PRMT9: variants seen among roughly 807,000 people sequenced by gnomAD.
PRMT9 encodes the protein protein arginine methyltransferase 9, also known as protein arginine N-methyltransferase 9.
PRMT9 carries 59 observed loss-of-function variants against 83.2 expected under a neutral mutation model. The observed-to-expected ratio is 0.71, with a 90% CI of 0.57 to 0.88. The LOEUF (loss-of-function observed/expected upper bound fraction) is 0.88, where lower values mean the gene tolerates loss of function less well. Ranked by LOEUF, PRMT9 falls within the 40% of genes least tolerant of loss-of-function variation. The pLI, the probability that PRMT9 is intolerant of heterozygous loss-of-function variation, is 0.00. For synonymous variants in PRMT9, 333 were observed against 353.2 expected (o/e 0.94, Z 0.64); for missense variants, 947 against 1,021.9 (o/e 0.93, Z 1.00).
chr4:147,644,539 T>TAA (rs35094215), intron 9 of PRMT9, among the ~76,000 whole-genome samples: 92,881 of 111,780 alleles, frequency 0.83, 40,164 homozygotes, highest in Non-Finnish European at 0.96. Context: ...TGCTTATGGT[T>TAA]AAAAAAAAAA....
intron 9 of PRMT9, 84 bp from the exon 10 acceptor site, chr4:147,643,024 C>T (rs1378078656): frequency 7.9e-7 from 1 of 1,264,068 alleles, no homozygotes; most frequent in Non-Finnish European, 1.1e-6. Context: ...CTTTGGGAGG[C>T]CAAGGTGGGT....
chr4:147,661,455 A>AAAGGTGCT (rs1231660891), intron 6 of PRMT9: 1 of 162,056 alleles, frequency 6.2e-6, no homozygotes, highest in Non-Finnish European at 1.3e-5. Flanking sequence ...GCACATGAGA[A>AAAGGTGCT]AAGGTGCTCA....
rs1388654105 is a variant in PRMT9, at chr4:147,680,437, T to C, written c.224A>G (p.Glu75Gly). 1 of 1,614,026 alleles carries C rather than the reference T, an allele frequency of 6.2e-7. No individual in the cohort carries two copies. Among genetic ancestry groups the C allele is most frequent in the Non-Finnish European group, 8.5e-7 (1 of 1,179,874 alleles). ...TFQYTLFRWA[E>G]ELDALSRIQD... The stretch of plus-strand genomic sequence containing the variant: ...TATCCGACTGAGAGCATCAAGCTCT[T>C]CAGCCCATCTGAAAAGTGTGTACTG... The change falls in exon 2 of 12, where the codon GAA (glutamate) becomes GGA (glycine). Residue 75 changes from glutamate (E) to glycine (G), a missense_variant. Transcript: ENST00000322396.
Position 147,680,315 on chromosome 4 carries a change from C to T in PRMT9, c.338+8G>A, listed in dbSNP as rs1451947676. The T allele has an allele frequency of 1.2e-6, 2 of 1,613,742 alleles. No homozygotes were observed. Among genetic ancestry groups the T allele is most frequent in the East Asian group, 4.5e-5 (2 of 44,874 alleles). ...TTCTTAACAAGTAATACTAAAATCA[C>T]TACAAACCTGAAGAGATGCTCCCCC... On this transcript the variant is annotated splice_region_variant and intron_variant, in intron 2 of 11. Transcript: ENST00000322396.
chr4:147,683,085 T>C (rs1247363054), intron 1 of PRMT9, among the ~76,000 whole-genome samples: 6 of 152,196 alleles, frequency 3.9e-5, no homozygotes, highest in Non-Finnish European at 8.8e-5. Flanking sequence ...TTGTTGCAAA[T>C]AATCCAATAA....
chr4:147,668,825 G>A (rs1735537113), intron 5 of PRMT9, among the ~76,000 whole-genome samples, 180 bp from the exon 6 acceptor site: 1 of 151,958 alleles, frequency 6.6e-6, no homozygotes, highest in South Asian at 2.1e-4. Context: ...TGTAGCTCAC[G>A]CCTGTAATCC....
Position 147,683,905 on chromosome 4 carries a change from G to A in PRMT9, c.83C>T (p.Ser28Phe), listed in dbSNP as rs186529029. The change falls in exon 1 of 12, where the codon TCC becomes TTC. Residue 28 changes from serine (S) to phenylalanine (F), a missense_variant. Ser to Phe is a radical substitution (Grantham distance 155). Transcript: ENST00000322396. ...AAGRDELVSRSLQSAEHCLGV... is the reference protein window; with the variant it reads ...AAGRDELVSRFLQSAEHCLGV... ...CAGACAGTGCTCTGCGCTCTGCAAG[G>A]ACCGCGACACCAGCTCGTCCCGGCC... The A allele has an allele frequency of 6.2e-7, 1 of 1,613,384 alleles. No individual in the cohort carries two copies. Among genetic ancestry groups the A allele is most frequent in the Non-Finnish European group, 8.5e-7 (1 of 1,179,936 alleles).
intron 9 of PRMT9, among the ~76,000 whole-genome samples, chr4:147,646,769 C>T (rs749596482): frequency 6.6e-6 from 1 of 152,092 alleles, no homozygotes; most frequent in Non-Finnish European, 1.5e-5. Context: ...CTGGAGTTAG[C>T]ATCAGGTGCT....
chr4:147,653,833 T>G lies in PRMT9; in HGVS notation c.2045+19A>C. On this transcript the variant is annotated intron_variant, in intron 9 of 11. Transcript: ENST00000322396. ...CTCAAAAAAAAAACAAAGCCAAAAG[T>G]TATTATTTTGTGTTTTACCTGGATA... 4 of 1,563,460 alleles carry G rather than the reference T, an allele frequency of 2.6e-6. No individual in the cohort carries two copies. Among genetic ancestry groups the G allele is most frequent in the Non-Finnish European group, 2.6e-6 (3 of 1,137,966 alleles).
intron 6 of PRMT9, among the ~76,000 whole-genome samples, chr4:147,661,786 T>A: frequency 3.3e-5 from 1 of 30,616 alleles, no homozygotes; most frequent in East Asian, 1.2e-3. Context: ...CGAGACTCCA[T>A]CTCAAAAAAA....
chr4:147,657,109 A>T (rs1279978238), intron 8 of PRMT9, among the ~76,000 whole-genome samples: 4 of 152,152 alleles, frequency 2.6e-5, no homozygotes, highest in Admixed American at 2.6e-4. Context: ...GTACATTTTT[A>T]TGATGCAGGG....
chr4:147,664,335 G>A (rs1248952292), intron 6 of PRMT9, among the ~76,000 whole-genome samples: 1 of 152,108 alleles, frequency 6.6e-6, no homozygotes, highest in Admixed American at 6.5e-5. Context: ...CCCCAATACA[G>A]GTCATAGTTT....
intron 5 of PRMT9, 49 bp from the exon 6 acceptor site, chr4:147,668,694 G>T: frequency 9.7e-7 from 1 of 1,033,044 alleles, no homozygotes; most frequent in Non-Finnish European, 1.5e-6. Flanking sequence ...ATGTAAAAAT[G>T]TGTGTGCATA....
In PRMT9 at chr4:147,642,878, AC is replaced by A; in HGVS notation, c.2107del (p.Val703TrpfsTer7). The A allele has an allele frequency of 6.2e-7, 1 of 1,614,004 alleles. No homozygotes were observed. The highest frequency in any genetic ancestry group is 8.5e-7 in the Non-Finnish European group (1 of 1,179,872). On this transcript the variant is annotated frameshift_variant, in exon 10 of 12. Coordinates refer to ENST00000322396, the MANE Select transcript of PRMT9 (RefSeq NM_138364.4). LOFTEE classifies it high-confidence loss of function. ...PQYVLMFGLL[V>X]ESQTLLEENA... ...CTCCTCTAGGAGTGTCTGTGATTCCACAAGCAACCCAAACATCAGCACATAC... is the reference window on the plus strand; with the variant it reads ...CTCCTCTAGGAGTGTCTGTGATTCCAAAGCAACCCAAACATCAGCACATAC...
At chr4:147,658,750 T>G (rs1234682072) in intron 7 of PRMT9, among the ~76,000 whole-genome samples, 1 of 152,168 alleles carries the variant, frequency 6.6e-6, no homozygotes, top group Non-Finnish European at 1.5e-5. Flanking sequence ...GTTCCAGATC[T>G]CCTCAAGAAC....
At chr4:147,652,659 C>T (rs1734186546) in intron 9 of PRMT9, among the ~76,000 whole-genome samples, 1 of 151,012 alleles carries the variant, frequency 6.6e-6, no homozygotes, top group African/African-American at 2.4e-5. Flanking sequence ...ACCACAACCC[C>T]ACCCTATCCC....
chr4:147,643,104 A>G (rs1223215762), intron 9 of PRMT9, among the ~76,000 whole-genome samples, 164 bp from the exon 10 acceptor site: 1 of 152,042 alleles, frequency 6.6e-6, no homozygotes, highest in East Asian at 1.9e-4. Context: ...TACAAAAAAT[A>G]CAAAAACTAG....
intron 9 of PRMT9, among the ~76,000 whole-genome samples, chr4:147,645,785 G>A (rs183033509): frequency 1.5e-4 from 23 of 152,326 alleles, no homozygotes; most frequent in African/African-American, 5.5e-4. Context: ...CGTGATGTGA[G>A]GAGCACAGAT....
At chr4:147,664,440 T>C (rs1735180922) in intron 6 of PRMT9, among the ~76,000 whole-genome samples, 1 of 152,222 alleles carries the variant, frequency 6.6e-6, no homozygotes, top group Non-Finnish European at 1.5e-5. Flanking sequence ...TTTAAGAAGG[T>C]AGGCCAATTG....
Sources: allele counts gnomAD v4.1 joint callset (sites outside exome capture counted in the v4.1 genomes callset), GRCh38; gene constraint gnomAD v4.1.1; transcripts MANE v1.5; gene names NCBI Gene and HGNC (gene_info 2026-07-23, HGNC 2026-07-21).